PIGK: variants seen among roughly 807,000 people sequenced by gnomAD.
PIGK encodes the protein phosphatidylinositol glycan anchor biosynthesis class K.
In PIGK, 42 loss-of-function variants were observed where a neutral mutation model predicts 50.6. The observed-to-expected ratio is 0.83, with a 90% CI of 0.65 to 1.07. The LOEUF (loss-of-function observed/expected upper bound fraction) is 1.07, where lower values mean the gene tolerates loss of function less well. Among genes scored for constraint, PIGK ranks in the 50% least tolerant of loss-of-function variants. The pLI, the probability that PIGK is intolerant of heterozygous loss-of-function variation, is 0.00. For synonymous variants in PIGK, 151 were observed against 156.0 expected, an observed-to-expected ratio of 0.97 and a Z score of 0.24; for missense variants, 448 against 488.7, an observed-to-expected ratio of 0.92 and a Z score of 0.78.
chr1:77,206,271 A>G (rs569897534), intron 3 of PIGK, among the ~76,000 whole-genome samples: 224 of 152,262 alleles, frequency 1.5e-3, no homozygotes, highest in African/African-American at 5.1e-3. Context: ...CCTTCTCACT[A>G]ATTTGGCAAG....
chr1:77,158,259 C>A (rs189550901), intron 8 of PIGK, among the ~76,000 whole-genome samples: 1 of 152,004 alleles, frequency 6.6e-6, no homozygotes, highest in African/African-American at 2.4e-5. Context: ...TCAAGTAATC[C>A]GCCCACCTCA....
At chr1:77,155,944 C>T (rs568159196) in intron 8 of PIGK, among the ~76,000 whole-genome samples, 1 of 152,268 alleles carries the variant, frequency 6.6e-6, no homozygotes, top group Admixed American at 6.5e-5. Flanking sequence ...GTATACAAAA[C>T]TTATATCTCC....
chr1:77,098,766 G>A (rs542245216), intron 10 of PIGK, among the ~76,000 whole-genome samples: 62 of 152,174 alleles, frequency 4.1e-4, no homozygotes, highest in Admixed American at 1.1e-3. Context: ...AGGGTCTCCC[G>A]CAAATCAGTA....
chr1:77,161,944 C>T (rs910286052), intron 6 of PIGK, among the ~76,000 whole-genome samples: 1 of 152,152 alleles, frequency 6.6e-6, no homozygotes, highest in African/African-American at 2.4e-5. Flanking sequence ...CAGCTCTTTT[C>T]CCTCTTCCTT....
chr1:77,202,584 T>C (rs1656195566), intron 3 of PIGK, among the ~76,000 whole-genome samples: 1 of 152,152 alleles, frequency 6.6e-6, no homozygotes, highest in Admixed American at 6.5e-5. Flanking sequence ...AGTACCAGGA[T>C]AAGTGATTTG....
chr1:77,122,793 AC>A (rs1235207735), intron 9 of PIGK, among the ~76,000 whole-genome samples: 1 of 152,178 alleles, frequency 6.6e-6, no homozygotes, highest in Non-Finnish European at 1.5e-5. Flanking sequence ...TGGGACTTGC[AC>A]CTCCAGGAGT....
At chr1:77,145,397 A>T (rs1654746330) in intron 9 of PIGK, among the ~76,000 whole-genome samples, 1 of 152,064 alleles carries the variant, frequency 6.6e-6, no homozygotes, top group Non-Finnish European at 1.5e-5. Flanking sequence ...TCAGAAAAAC[A>T]GTCAATATAA....
At chr1:77,190,253 T>G (rs191951102) in intron 3 of PIGK, among the ~76,000 whole-genome samples, 247 of 151,790 alleles carry the variant, frequency 1.6e-3, no homozygotes, top group Admixed American at 4.0e-3. Flanking sequence ...AAAAAAAAAT[T>G]AGCTGATTGT....
chr1:77,152,272 C>T (rs1013765679), intron 9 of PIGK, among the ~76,000 whole-genome samples: 3 of 151,948 alleles, frequency 2.0e-5, no homozygotes, highest in African/African-American at 7.2e-5. Flanking sequence ...GTTTAATAAT[C>T]GTGCTGGGAA....
At chr1:77,188,183 T>A (rs958759573) in intron 3 of PIGK, among the ~76,000 whole-genome samples, 1 of 152,092 alleles carries the variant, frequency 6.6e-6, no homozygotes, top group Non-Finnish European at 1.5e-5. Context: ...AACCTTAAAC[T>A]CTGACCACTG....
chr1:77,117,866 T>C (rs1654013577), intron 10 of PIGK, among the ~76,000 whole-genome samples: 1 of 152,146 alleles, frequency 6.6e-6, no homozygotes, highest in African/African-American at 2.4e-5. Context: ...GCTTAACTAA[T>C]TTATAAACAT....
At chr1:77,199,289 G>T (rs1656107547) in intron 3 of PIGK, among the ~76,000 whole-genome samples, 1 of 152,050 alleles carries the variant, frequency 6.6e-6, no homozygotes, top group East Asian at 1.9e-4. Context: ...TAGAGTGGCA[G>T]ATCAGCTGCC....
intron 8 of PIGK, among the ~76,000 whole-genome samples, chr1:77,160,992 T>C (rs1655115604): frequency 6.6e-6 from 1 of 152,110 alleles, no homozygotes; most frequent in South Asian, 2.1e-4. Context: ...TCGGGGAGAC[T>C]TCCTGAAGGA....
At chr1:77,147,857 A>G (rs1654805508) in intron 9 of PIGK, among the ~76,000 whole-genome samples, 1 of 152,364 alleles carries the variant, frequency 6.6e-6, no homozygotes, top group South Asian at 2.1e-4. Context: ...TTGTTACTAT[A>G]TAACTTTATC....
intron 1 of PIGK, 87 bp from the exon 2 acceptor site, chr1:77,210,576 T>C: frequency 2.7e-6 from 2 of 744,616 alleles, no homozygotes; most frequent in African/African-American, 1.8e-5. Context: ...GTGTAGTTTT[T>C]ACAGTTGTAA....
intron 4 of PIGK, among the ~76,000 whole-genome samples, chr1:77,167,846 C>T (rs889264695): frequency 6.6e-6 from 1 of 152,148 alleles, no homozygotes; most frequent in African/African-American, 2.4e-5. Context: ...TACATTATTG[C>T]AGCTAATCTG....
chr1:77,156,678 T>C (rs918847753), intron 8 of PIGK, among the ~76,000 whole-genome samples: 1 of 152,188 alleles, frequency 6.6e-6, no homozygotes, highest in African/African-American at 2.4e-5. Context: ...CCCTAGAGTA[T>C]GCTATACTTC....
rs1653306460 is a variant in PIGK at position 77,091,811 on chromosome 1, T to A, written c.*563A>T. 6.6e-6 allele frequency: 1 copy of A among 152,180 alleles called. No homozygotes were observed. The highest frequency in any genetic ancestry group is 1.5e-5 in the Non-Finnish European group (1 of 68,030). The allele number at this position is 152,180 out of a possible 1,614,324, so 9.4% of individuals were successfully genotyped here. ...AAAACATTTGGTACAATGTAAGTGG[T>A]CCAACAATAGAAGACTGTGAAATGA... On this transcript the variant is annotated 3_prime_UTR_variant, in exon 11 of 11. Coordinates refer to ENST00000370812, the MANE Select transcript of PIGK (RefSeq NM_005482.3).
chr1:77,181,858 T>C (rs796418304), intron 3 of PIGK, among the ~76,000 whole-genome samples: 43 of 152,298 alleles, frequency 2.8e-4, no homozygotes, highest in African/African-American at 1.0e-3. Context: ...TTCTTCCTCC[T>C]CCCTTCCCAT....
Sources: gnomAD v4.1 joint callset for allele counts (sites outside exome capture counted in the v4.1 genomes callset) on GRCh38, gnomAD v4.1.1 for gene constraint, MANE v1.5 for transcripts, NCBI Gene and HGNC (gene_info 2026-07-23, HGNC 2026-07-21) for gene names.